Variants in PCOLCE2 observed in about 807,000 individuals in gnomAD.
PCOLCE2 encodes the protein procollagen C-endopeptidase enhancer 2.
PCOLCE2 carries 42 observed loss-of-function variants against 47.0 expected under a neutral mutation model. The observed-to-expected ratio is 0.89, with a 90% confidence interval of 0.70 to 1.16. The LOEUF is 1.16. Among genes scored for constraint, PCOLCE2 ranks in the 50% most tolerant of loss-of-function variants. The probability of loss-of-function intolerance (pLI) is 0.00; values close to 1 mark genes in which losing one functional copy is unlikely to be tolerated. For synonymous variants in PCOLCE2, 169 were observed against 191.7 expected (o/e 0.88, Z 0.98); for missense variants, 500 against 526.1 (o/e 0.95, Z 0.49).
At chr3:142,863,869 A>C (rs1933229870) in intron 2 of PCOLCE2, 1 of 152,264 alleles carries the variant, frequency 6.6e-6, no homozygotes. Flanking sequence ...TGGATAAACT[A>C]GCATGCTATT....
Position 142,829,860 on chromosome 3 carries a change from A to T in PCOLCE2, c.711-14T>A. ...GACACAATTGGCCTAAAAAAAGAAA[A>T]ATGTGTTTTTTTATAAATACTTAAA... On this transcript the variant is annotated splice_polypyrimidine_tract_variant and intron_variant, in intron 5 of 8. Coordinates refer to ENST00000295992, the MANE Select transcript of PCOLCE2 (RefSeq NM_013363.4). 1 of 1,504,122 alleles carries T rather than the reference A, an allele frequency of 6.6e-7. No homozygotes were observed. The highest frequency in any genetic ancestry group is 1.3e-5 in the South Asian group (1 of 78,562). 93.2% of individuals were successfully genotyped at this position (1,504,122 alleles called of 1,614,324 possible). A position where few individuals can be genotyped will look rare whatever the true frequency, so the allele number is the denominator to read the frequency against.
At chr3:142,853,139 C>T (rs10935471) in intron 2 of PCOLCE2, among the ~76,000 whole-genome samples, 4,451 of 150,206 alleles carry the variant, frequency 0.03, 210 homozygotes, top group African/African-American at 0.1. Flanking sequence ...ATAATGTTTA[C>T]ATATCACTCC....
chr3:142,860,181 TCAGA>T (rs1464353177), intron 2 of PCOLCE2, among the ~76,000 whole-genome samples: 5 of 152,238 alleles, frequency 3.3e-5, no homozygotes, highest in East Asian at 1.9e-4. Context: ...TGTAATTCTT[TCAGA>T]CAGTTTGCGT....
Position 142,887,705 on chromosome 3 carries a change from C to G in PCOLCE2, c.156G>C (p.Val52=), listed in dbSNP as rs779671502. The G allele has an allele frequency of 6.2e-7, 1 of 1,604,024 alleles. No individual in the cohort carries two copies. The highest frequency in any genetic ancestry group is 8.5e-7 in the Non-Finnish European group (1 of 1,170,974). ...AAGTACATTTGCTATTTGGAGGGTA[C>G]ACTCCAGGAAAACCTTCACTGCCAA... ...GFIGSEGFPG[V]YPPNSKCTWK... is the part of the protein sequence containing the mutation. The change falls in exon 2 of 9, where the codon GTG becomes GTC. Residue 52 remains valine, a synonymous_variant. Coordinates refer to ENST00000295992, the MANE Select transcript of PCOLCE2 (RefSeq NM_013363.4).
At position 142,829,808 on chromosome 3, in the gene PCOLCE2, A is replaced by C; in HGVS notation, c.749T>G (p.Phe250Cys). ...TGCAGTTAAACTTAAGTCTGATAAA[A>C]ACTGAATAAGAAGTTCATTTCTCTC... is the stretch of plus-strand genomic sequence containing the variant. ...VSERNELLIQ[F>C]LSDLSLTADG... The change falls in exon 6 of 9, where the codon TTT (phenylalanine) becomes TGT (cysteine). Residue 250 changes from phenylalanine (F) to cysteine (C), a missense_variant. Coordinates refer to ENST00000295992, the MANE Select transcript of PCOLCE2 (RefSeq NM_013363.4). 1 of 1,601,356 alleles carries C rather than the reference A, an allele frequency of 6.2e-7. No homozygotes were observed. The highest frequency in any genetic ancestry group is 8.5e-7 in the Non-Finnish European group (1 of 1,172,456).
chr3:142,886,134 T>C (rs1158592471), intron 2 of PCOLCE2, among the ~76,000 whole-genome samples: 2 of 152,160 alleles, frequency 1.3e-5, no homozygotes, highest in African/African-American at 4.8e-5. Flanking sequence ...AGATGGAGCA[T>C]CCATTTAACT....
intron 2 of PCOLCE2, among the ~76,000 whole-genome samples, chr3:142,886,898 A>G (rs935803496): frequency 6.6e-6 from 1 of 152,216 alleles, no homozygotes; most frequent in Non-Finnish European, 1.5e-5. Flanking sequence ...TAAGTCCTCC[A>G]GTGGCACAAT....
rs1328316863 is a variant in PCOLCE2 at position 142,842,754 on chromosome 3, AT to A, written c.573+169del. Among the ~76,000 whole-genome samples the A allele has an allele frequency of 5.2e-4, 79 of 151,922 alleles. No homozygotes were observed. The highest frequency in any genetic ancestry group is 3.4e-3 in the Middle Eastern group (1 of 294). ...AACTCTGTCTCAAAAAAAAAAAAAAATATCTGGGGTCTTCGCATGAAGAAAT... is the reference window on the plus strand; with the variant it reads ...AACTCTGTCTCAAAAAAAAAAAAAAAATCTGGGGTCTTCGCATGAAGAAAT... On this transcript the variant is annotated intron_variant, in intron 4 of 8. Coordinates refer to ENST00000295992, the MANE Select transcript of PCOLCE2 (RefSeq NM_013363.4). This position sits in a 1 kb window ranked among gnomAD's most constrained non-coding sequence, Gnocchi z 4.1.
rs1937348252 is a variant in PCOLCE2 at position 142,848,159 on chromosome 3, G to T, written c.448+58C>A. On this transcript the variant is annotated intron_variant, in intron 3 of 8. Transcript: ENST00000295992. ...CTTTAAAGGAGTAAATAAACATCAA[G>T]TGCCAAGAACAGTGAACCAACATTA... 4.5e-6 allele frequency: 7 copies of T among 1,550,788 alleles called. No individual in the cohort carries two copies. In the South Asian group the frequency reaches 8.2e-5, roughly 18 times the overall value.
chr3:142,883,363 C>T (rs73232760), intron 2 of PCOLCE2, among the ~76,000 whole-genome samples: 1 of 151,926 alleles, frequency 6.6e-6, no homozygotes, highest in African/African-American at 2.4e-5. Context: ...CCATATGCAG[C>T]CAAAGTCAAA....
intron 3 of PCOLCE2, chr3:142,843,379 GA>G (rs1937289823): frequency 6.7e-6 from 3 of 449,656 alleles, no homozygotes; most frequent in Non-Finnish European, 1.3e-5. Context: ...AAAAATCATA[GA>G]GATGTTAAGG....
rs979467962 is a variant in PCOLCE2 at position 142,842,942 on chromosome 3, A to C, written c.555T>G (p.Ile185Met). Residue 185 changes from isoleucine to methionine, a missense_variant, in exon 4 of 9, where the codon ATT becomes ATG. By Grantham distance (10) the Ile-to-Met change is conservative. Coordinates refer to ENST00000295992, the MANE Select transcript of PCOLCE2 (RefSeq NM_013363.4). This position sits in a 1 kb window ranked among gnomAD's most constrained non-coding sequence, Gnocchi z 4.1. ...ATCTCACCTGATTCTTTGGGGCTAC[A>C]ATGTGCCACACACAAGTGACTCCTG... ...YPAGVTCVWH[I>M]VAPKNQLIEL... 1.2e-6 allele frequency: 2 copies of C among 1,614,064 alleles called. No individual in the cohort carries two copies. Among genetic ancestry groups the C allele is most frequent in the Non-Finnish European group, 8.5e-7 (1 of 1,179,952 alleles).
chr3:142,837,173 G>A (rs140313923), intron 5 of PCOLCE2, among the ~76,000 whole-genome samples: 140 of 152,340 alleles, frequency 9.2e-4, no homozygotes, highest in African/African-American at 3.3e-3. Flanking sequence ...TCTAGAAGCA[G>A]GAAAAGCCAA....
chr3:142,836,991 G>A (rs933509995), intron 5 of PCOLCE2, among the ~76,000 whole-genome samples: 7 of 152,218 alleles, frequency 4.6e-5, no homozygotes, highest in African/African-American at 1.7e-4. Flanking sequence ...ATGTGAGTAA[G>A]ACTCTTCAGA....
At chr3:142,856,031 T>C (rs979288119) in intron 2 of PCOLCE2, among the ~76,000 whole-genome samples, 22 of 152,166 alleles carry the variant, frequency 1.4e-4, no homozygotes. Flanking sequence ...GGTAACTGTA[T>C]AGACACCTTT....
chr3:142,887,686 AT>A lies in PCOLCE2; in HGVS notation c.174del (p.Lys58AsnfsTer13). 6.3e-7 allele frequency: 1 copy of A among 1,576,670 alleles called. No homozygotes were observed. The highest frequency in any genetic ancestry group is 8.7e-7 in the Non-Finnish European group (1 of 1,146,044). On this transcript the variant is annotated frameshift_variant, in exon 2 of 9. Transcript: ENST00000295992. LOFTEE classifies it high-confidence loss of function. ...GFPGVYPPNS[K>X]CTWKITVPEG... ...ATGCTTACTGTGATTTTCCAAGTAC[AT>A]TTGCTATTTGGAGGGTACACTCCAG...
intron 2 of PCOLCE2, among the ~76,000 whole-genome samples, chr3:142,861,929 T>C (rs1195675577): frequency 6.6e-6 from 1 of 152,180 alleles, no homozygotes; most frequent in Non-Finnish European, 1.5e-5. Flanking sequence ...TCGCCTGAGG[T>C]GTAAAGACCT....
intron 6 of PCOLCE2, among the ~76,000 whole-genome samples, chr3:142,824,799 T>G (rs973472512): frequency 6.6e-6 from 1 of 152,140 alleles, no homozygotes; most frequent in Admixed American, 6.5e-5. Context: ...GGCCAATTTT[T>G]GTATTTTTAG....
chr3:142,888,950 G>GC lies in PCOLCE2; in HGVS notation c.-55dup. ...CCACGGCGCGCGCGCCGGCACACAC[G>GC]CCCCTCCGCACCCACCGCGCTCACA... On this transcript the variant is annotated 5_prime_UTR_variant, in exon 1 of 9. Coordinates refer to ENST00000295992, the MANE Select transcript of PCOLCE2 (RefSeq NM_013363.4). The GC allele has an allele frequency of 2.6e-6, 2 of 759,004 alleles. No homozygotes were observed. The highest frequency in any genetic ancestry group is 3.8e-6 in the Non-Finnish European group (2 of 520,002). The allele number at this position is 759,004 out of a possible 1,614,324, so 47.0% of individuals were successfully genotyped here.
Sources: allele counts gnomAD v4.1 joint callset (sites outside exome capture counted in the v4.1 genomes callset), GRCh38; gene constraint gnomAD v4.1.1; non-coding constraint Gnocchi (gnomAD v3.1); transcripts MANE v1.5; gene names NCBI Gene and HGNC (gene_info 2026-07-23, HGNC 2026-07-21).